Variants in HTR4 observed in about 807,000 individuals in gnomAD.
HTR4 encodes 5-hydroxytryptamine (serotonin) receptor 4, G protein-coupled.
Under a neutral mutation model 36.8 loss-of-function variants are expected in HTR4, and 16 were observed. The observed-to-expected ratio is 0.43, with a 90% CI of 0.29 to 0.66. HTR4 has a LOEUF of 0.66. HTR4 is among the 30% of genes least tolerant of loss of function. The pLI, the probability that HTR4 is intolerant of heterozygous loss-of-function variation, is 0.13. For synonymous variants in HTR4, 189 were observed against 185.1 expected (o/e 1.02, Z -0.17); for missense variants, 438 against 490.9 (o/e 0.89, Z 1.02).
intron 5 of HTR4, among the ~76,000 whole-genome samples, chr5:148,513,997 A>C (rs544087468): frequency 6.6e-5 from 10 of 152,180 alleles, no homozygotes; most frequent in Non-Finnish European, 1.3e-4. Flanking sequence ...ATATCAACTA[A>C]AATTCATCTT....
At chr5:148,515,596 G>C (rs970691035) in intron 5 of HTR4, among the ~76,000 whole-genome samples, 1 of 151,802 alleles carries the variant, frequency 6.6e-6, no homozygotes, top group Non-Finnish European at 1.5e-5. Context: ...ATTTTCATTG[G>C]GTATAGAATT....
chr5:148,558,070 A>T (rs75683652), intron 2 of HTR4, among the ~76,000 whole-genome samples: 2 of 151,364 alleles, frequency 1.3e-5, no homozygotes, highest in Non-Finnish European at 2.9e-5. Flanking sequence ...AAGATCCCAT[A>T]CTCCCTATCT....
intron 2 of HTR4, among the ~76,000 whole-genome samples, chr5:148,612,372 T>A (rs1366980018): frequency 2.1e-5 from 3 of 144,934 alleles, no homozygotes; most frequent in African/African-American, 7.7e-5. Flanking sequence ...GGATTAAGAA[T>A]CTCACTCAAA....
At chr5:148,518,557 A>G (rs1307733126) in intron 5 of HTR4, among the ~76,000 whole-genome samples, 1 of 152,178 alleles carries the variant, frequency 6.6e-6, no homozygotes, top group Non-Finnish European at 1.5e-5. Flanking sequence ...CATTCTCTAT[A>G]GAGTAGCCAG....
intron 5 of HTR4, among the ~76,000 whole-genome samples, chr5:148,515,687 T>A (rs934611494): frequency 1.3e-5 from 2 of 152,188 alleles, no homozygotes; most frequent in Admixed American, 6.6e-5. Context: ...GTAAGTCTTA[T>A]TTTCCCTGTT....
chr5:148,649,466 A>G (rs1055354844), intron 1 of HTR4, among the ~76,000 whole-genome samples: 2 of 152,206 alleles, frequency 1.3e-5, no homozygotes, highest in African/African-American at 4.8e-5. Context: ...TACAAACTCG[A>G]TGGACAGATA....
chr5:148,616,046 A>T (rs550943877), intron 2 of HTR4, among the ~76,000 whole-genome samples: 1 of 152,336 alleles, frequency 6.6e-6, no homozygotes, highest in South Asian at 2.1e-4. Flanking sequence ...CACACATAGT[A>T]ATTCCACAAA....
chr5:148,463,616 AAG>A (rs1238055115), intron 5 of HTR4, among the ~76,000 whole-genome samples: 2 of 152,202 alleles, frequency 1.3e-5, no homozygotes, highest in African/African-American at 2.4e-5. Context: ...CATGGATAGA[AAG>A]GCTAAATATT....
chr5:148,641,135 G>C (rs773401686), intron 1 of HTR4, among the ~76,000 whole-genome samples: 12 of 152,186 alleles, frequency 7.9e-5, no homozygotes, highest in Non-Finnish European at 1.3e-4. Flanking sequence ...CATAGGGTGA[G>C]GGGGATGTGG....
At chr5:148,523,443 G>T in intron 4 of HTR4, 97 bp from the exon 5 acceptor site, 1 of 963,936 alleles carries the variant, frequency 1.0e-6, no homozygotes, top group Non-Finnish European at 1.5e-6. Context: ...GAGGAAGAGG[G>T]GATGGAGCAA....
intron 4 of HTR4, among the ~76,000 whole-genome samples, chr5:148,531,719 A>G (rs917856876): frequency 6.6e-6 from 1 of 152,294 alleles, no homozygotes. Flanking sequence ...AATTTTCGGT[A>G]ACTTGTAGTT....
At chr5:148,646,897 C>T (rs183515250) in intron 1 of HTR4, among the ~76,000 whole-genome samples, 9 of 152,280 alleles carry the variant, frequency 5.9e-5, no homozygotes, top group African/African-American at 2.2e-4. Flanking sequence ...TAAGTTATCC[C>T]ACAAACAACA....
intron 2 of HTR4, among the ~76,000 whole-genome samples, chr5:148,582,734 C>CTGTT (rs1185121962): frequency 1.8e-4 from 27 of 152,044 alleles, no homozygotes; most frequent in African/African-American, 5.8e-4. Flanking sequence ...ATTTGGCTCT[C>CTGTT]TGTCTGTTGT....
At chr5:148,454,259 A>G (rs1755044122) in intron 5 of HTR4, among the ~76,000 whole-genome samples, 1 of 152,224 alleles carries the variant, frequency 6.6e-6, no homozygotes, top group Admixed American at 6.5e-5. Flanking sequence ...TGTGGATTAA[A>G]TAACATAATG....
chr5:148,516,194 T>A (rs1424766019), intron 5 of HTR4, among the ~76,000 whole-genome samples: 1 of 151,710 alleles, frequency 6.6e-6, no homozygotes, highest in Non-Finnish European at 1.5e-5. Context: ...TGATATTACC[T>A]AAATTCCAGT....
chr5:148,483,269 C>A lies in HTR4; in HGVS notation c.1101G>T (p.Gln367His). 6.2e-7 allele frequency: 1 copy of A among 1,613,804 alleles called. No homozygotes were observed. Among genetic ancestry groups the A allele is most frequent in the Non-Finnish European group, 8.5e-7 (1 of 1,179,856 alleles). The change falls in exon 7 of 7, where the codon CAG becomes CAT. Residue 367 changes from glutamine to histidine, a missense_variant. By Grantham distance (24) the Gln-to-His change is conservative. Transcript: ENST00000377888. ...CTGGCGGGTGACACTGACTCTCCCA[C>A]TGGCCACCACACTCCACTGCATCCC... ...VLRDAVECGG[Q>H]WESQCHPPAT...
intron 2 of HTR4, among the ~76,000 whole-genome samples, chr5:148,569,651 A>T (rs1399171129): frequency 6.6e-6 from 1 of 151,754 alleles, no homozygotes; most frequent in African/African-American, 2.4e-5. Flanking sequence ...AAATAATATA[A>T]TGTATCCAAA....
At chr5:148,542,720 T>C (rs974773302) in intron 4 of HTR4, among the ~76,000 whole-genome samples, 7 of 152,082 alleles carry the variant, frequency 4.6e-5, no homozygotes, top group Admixed American at 3.3e-4. Flanking sequence ...ATAAAAATGG[T>C]TAAAAGTCTG....
chr5:148,608,768 G>T (rs1051830092), intron 2 of HTR4, among the ~76,000 whole-genome samples: 5 of 152,222 alleles, frequency 3.3e-5, no homozygotes, highest in African/African-American at 1.2e-4. Context: ...TGACCAACAA[G>T]GAGGATATTG....
Sources: allele counts gnomAD v4.1 joint callset (sites outside exome capture counted in the v4.1 genomes callset), GRCh38; gene constraint gnomAD v4.1.1; transcripts MANE v1.5; gene names NCBI Gene and HGNC (gene_info 2026-07-23, HGNC 2026-07-21).